Variants in IGSF10 observed in about 807,000 individuals in gnomAD.
IGSF10 encodes immunoglobulin superfamily member 10.
A neutral mutation model predicts 128.2 loss-of-function variants in IGSF10; 126 were observed. The observed-to-expected ratio is 0.98, with a 90% CI of 0.85 to 1.14. The LOEUF (loss-of-function observed/expected upper bound fraction) is 1.14. IGSF10 is among the 50% of genes most tolerant of loss of function. The pLI is 0.00. For missense variants in IGSF10, 3,295 were observed against 3,149.8 expected (o/e 1.05, Z -1.10); for synonymous variants, 1,185 against 1,146.2 (o/e 1.03, Z -0.68).
At chr3:151,504,204 A>C in the IGSF10 span, among the ~76,000 whole-genome samples, 1 of 152,188 alleles carries the variant, frequency 6.6e-6, no homozygotes, top group Non-Finnish European at 1.5e-5. Context: ...TATTAAATTT[A>C]GTCTTTGCCC....
At chr3:151,457,736 A>T (rs146214819) in intron 3 of IGSF10, among the ~76,000 whole-genome samples, 2 of 152,238 alleles carry the variant, frequency 1.3e-5, no homozygotes, top group African/African-American at 4.8e-5. Context: ...AAATGGATGC[A>T]GTGCTTAACC....
chr3:151,590,681 G>T, the IGSF10 span, among the ~76,000 whole-genome samples: 1 of 152,144 alleles, frequency 6.6e-6, no homozygotes, highest in Non-Finnish European at 1.5e-5. Flanking sequence ...CTCAGATTTT[G>T]ATCTTAAAGA....
At chr3:151,550,571 G>T in the IGSF10 span, among the ~76,000 whole-genome samples, 1 of 152,084 alleles carries the variant, frequency 6.6e-6, no homozygotes, top group Non-Finnish European at 1.5e-5. Context: ...CTTTTCGGGG[G>T]TGTTTTGGGA....
At chr3:151,533,938 G>T in the IGSF10 span, among the ~76,000 whole-genome samples, 1 of 152,074 alleles carries the variant, frequency 6.6e-6, no homozygotes, top group Non-Finnish European at 1.5e-5. Flanking sequence ...AATCTACAAA[G>T]AACTTAAACA....
the IGSF10 span, among the ~76,000 whole-genome samples, chr3:151,600,870 G>T: frequency 2.0e-5 from 3 of 151,964 alleles, no homozygotes; most frequent in African/African-American, 7.2e-5. Context: ...GTTGGACATT[G>T]TTTCATATGT....
At chr3:151,537,831 G>A in the IGSF10 span, among the ~76,000 whole-genome samples, 1 of 152,066 alleles carries the variant, frequency 6.6e-6, no homozygotes, top group South Asian at 2.1e-4. Flanking sequence ...CCATCCTTCA[G>A]TCTCCTGGAA....
the IGSF10 span, among the ~76,000 whole-genome samples, chr3:151,502,770 A>G: frequency 5.9e-5 from 9 of 152,102 alleles, no homozygotes; most frequent in Non-Finnish European, 1.3e-4. Context: ...CATGTAAATT[A>G]TTTTAAAATC....
At chr3:151,553,141 T>C in the IGSF10 span, among the ~76,000 whole-genome samples, 1 of 152,170 alleles carries the variant, frequency 6.6e-6, no homozygotes, top group African/African-American at 2.4e-5. Flanking sequence ...TCTATGATTA[T>C]AGAGATGCCT....
the IGSF10 span, among the ~76,000 whole-genome samples, chr3:151,581,696 T>C: frequency 6.6e-6 from 1 of 152,240 alleles, no homozygotes; most frequent in African/African-American, 2.4e-5. Context: ...AGGTGATATC[T>C]AAAGCCATTT....
chr3:151,581,607 C>G, the IGSF10 span, among the ~76,000 whole-genome samples: 1 of 152,172 alleles, frequency 6.6e-6, no homozygotes, highest in African/African-American at 2.4e-5. Context: ...ACTTTTTCTT[C>G]CCACTGCTAG....
At chr3:151,544,315 T>C in the IGSF10 span, among the ~76,000 whole-genome samples, 33 of 152,184 alleles carry the variant, frequency 2.2e-4, no homozygotes, top group African/African-American at 7.0e-4. Flanking sequence ...TTGCTCCTGG[T>C]GGCTCTCCAG....
the IGSF10 span, among the ~76,000 whole-genome samples, chr3:151,554,397 T>A: frequency 1.3e-5 from 2 of 152,100 alleles, no homozygotes; most frequent in Non-Finnish European, 2.9e-5. Context: ...TTTGCTAACA[T>A]CTTTAGTACC....
At chr3:151,617,260 CTCTTCTTCTTCT>C in the IGSF10 span, among the ~76,000 whole-genome samples, 3,409 of 55,660 alleles carry the variant, frequency 0.061, 99 homozygotes, top group East Asian at 0.081. Flanking sequence ...TCTTCTCCTT[CTCTTCTTCTTCT>C]TCTTCTTCTT....
At chr3:151,598,110 T>TGTGTGTGA in the IGSF10 span, among the ~76,000 whole-genome samples, 233 of 148,656 alleles carry the variant, frequency 1.6e-3, 3 homozygotes, top group Middle Eastern at 6.9e-3. Context: ...TGTGTGTGTG[T>TGTGTGTGA]GAATACTTCA....
At chr3:151,513,441 A>C in the IGSF10 span, among the ~76,000 whole-genome samples, 2 of 152,220 alleles carry the variant, frequency 1.3e-5, no homozygotes, top group Non-Finnish European at 2.9e-5. Flanking sequence ...AAAAACTCTC[A>C]ATAAGTTAGG....
At chr3:151,476,513 G>T in the IGSF10 span, among the ~76,000 whole-genome samples, 1 of 152,062 alleles carries the variant, frequency 6.6e-6, no homozygotes, top group Non-Finnish European at 1.5e-5. Context: ...ATCTTCAGGG[G>T]TATCTTCCGG....
chr3:151,496,439 T>TG, the IGSF10 span, among the ~76,000 whole-genome samples: 1 of 145,926 alleles, frequency 6.9e-6, no homozygotes, highest in Non-Finnish European at 1.5e-5. Flanking sequence ...AGTGAGAACA[T>TG]GCGGTGTTTG....
chr3:151,572,838 C>T, the IGSF10 span, among the ~76,000 whole-genome samples: 2,468 of 152,256 alleles, frequency 0.016, 23 homozygotes, highest in South Asian at 0.025. Context: ...ATCTTTCCTG[C>T]TTTCTCTTGT....
In IGSF10 at chr3:151,446,733, C is replaced by G. The variant is rs1314126952; in HGVS notation, c.3248G>C (p.Ser1083Thr). The G allele has an allele frequency of 2.5e-6, 4 of 1,614,188 alleles. No individual in the cohort carries two copies. Among genetic ancestry groups the G allele is most frequent in the Non-Finnish European group, 3.4e-6 (4 of 1,180,036 alleles). ...TTTGGGGAAGGTGATGGGAGCAGCA[C>G]TTGGAAAAGACAATGCTGCTGTGGC... ...TTATAALSFP[S>T]AAPITFPKAD... Residue 1083 changes from serine to threonine, a missense_variant, in exon 6 of 8, where the codon AGT becomes ACT. Transcript: ENST00000282466.
Sources: allele counts gnomAD v4.1 joint callset (sites outside exome capture counted in the v4.1 genomes callset), GRCh38; gene constraint gnomAD v4.1.1; transcripts MANE v1.5; gene names NCBI Gene and HGNC (gene_info 2026-07-23, HGNC 2026-07-21).